CABLES1: variants seen among roughly 807,000 people sequenced by gnomAD.
CABLES1 encodes Cdk5 and Abl enzyme substrate 1.
CABLES1 carries 36 observed loss-of-function variants against 57.8 expected under a neutral mutation model. The observed-to-expected ratio is 0.62, with a 90% CI of 0.48 to 0.82. CABLES1 has a LOEUF of 0.82. Among genes scored for constraint, CABLES1 ranks in the 40% least tolerant of loss-of-function variants. The pLI, the probability that CABLES1 is intolerant of heterozygous loss-of-function variation, is 0.00. For missense variants in CABLES1, 767 were observed against 836.6 expected (o/e 0.92, Z 1.03); for synonymous variants, 374 against 363.0 (o/e 1.03, Z -0.35).
Position 23,257,472 on chromosome 18 carries a change from T to C in CABLES1, c.*105T>C. Reference sequence around the variant, plus strand: ...AAGTAGAACTCAGAATACCAGACTTTTCTTCCTCTCGACATAGTTTGGGGA... The same window carrying C: ...AAGTAGAACTCAGAATACCAGACTTCTCTTCCTCTCGACATAGTTTGGGGA... On this transcript the variant is annotated 3_prime_UTR_variant, in exon 10 of 10. Coordinates refer to ENST00000256925, the MANE Select transcript of CABLES1 (RefSeq NM_001100619.3). 1 of 1,279,172 alleles carries C rather than the reference T, an allele frequency of 7.8e-7. No homozygotes were observed. The highest frequency in any genetic ancestry group is 1.1e-6 in the Non-Finnish European group (1 of 945,984). 79.2% of individuals were successfully genotyped at this position (1,279,172 alleles called of 1,614,324 possible). A position where few individuals can be genotyped will look rare whatever the true frequency, so the allele number is the denominator to read the frequency against.
intron 8 of CABLES1, 38 bp from the exon 9 acceptor site, chr18:23,253,691 T>C (rs2048095657): frequency 1.3e-6 from 2 of 1,573,630 alleles, no homozygotes. Context: ...AACTCTAAGT[T>C]TTCACAAGAC....
chr18:23,197,886 T>C (rs1178178401), intron 3 of CABLES1: 1 of 152,118 alleles, frequency 6.6e-6, no homozygotes, highest in East Asian at 1.9e-4. Context: ...CCAGAAGAGA[T>C]GATAAAGTTA....
intron 7 of CABLES1, among the ~76,000 whole-genome samples, chr18:23,240,804 C>T (rs2047717864): frequency 6.6e-6 from 1 of 152,240 alleles, no homozygotes; most frequent in African/African-American, 2.4e-5. Context: ...TTTGGGATGT[C>T]CTGTTCCTGT....
At chr18:23,211,652 T>G (rs2047405601) in intron 3 of CABLES1, among the ~76,000 whole-genome samples, 1 of 152,200 alleles carries the variant, frequency 6.6e-6, no homozygotes. Context: ...TCTAGTAAGG[T>G]TTAGGGAAGA....
chr18:23,166,195 T>C (rs1476128118), intron 1 of CABLES1, among the ~76,000 whole-genome samples: 1 of 151,794 alleles, frequency 6.6e-6, no homozygotes, highest in Non-Finnish European at 1.5e-5. Flanking sequence ...ATGTATAATA[T>C]GAATGCAATT....
intron 1 of CABLES1, among the ~76,000 whole-genome samples, chr18:23,140,400 G>A (rs2046850123): frequency 6.6e-6 from 1 of 151,840 alleles, no homozygotes; most frequent in East Asian, 1.9e-4. Flanking sequence ...GGGGTGCATG[G>A]TGACCAGTGT....
intron 3 of CABLES1, among the ~76,000 whole-genome samples, chr18:23,198,502 T>A (rs145821527): frequency 6.6e-6 from 1 of 152,282 alleles, no homozygotes; most frequent in East Asian, 1.9e-4. Flanking sequence ...CAGGACCTGT[T>A]ACTGTGTTAG....
At chr18:23,164,507 C>A (rs914452099) in intron 1 of CABLES1, among the ~76,000 whole-genome samples, 2 of 152,022 alleles carry the variant, frequency 1.3e-5, no homozygotes, top group African/African-American at 2.4e-5. Flanking sequence ...AAATGCAATT[C>A]TTTTCCTATG....
intron 1 of CABLES1, among the ~76,000 whole-genome samples, chr18:23,154,683 T>C (rs1462221100): frequency 6.6e-6 from 1 of 152,184 alleles, no homozygotes; most frequent in Non-Finnish European, 1.5e-5. Flanking sequence ...AGCAAGGGAT[T>C]TGAACTTTAG....
intron 3 of CABLES1, among the ~76,000 whole-genome samples, chr18:23,206,319 T>C (rs1365626521): frequency 6.6e-6 from 1 of 152,214 alleles, no homozygotes; most frequent in East Asian, 1.9e-4. Context: ...CAGCCTCACA[T>C]TTGGACTCAT....
intron 4 of CABLES1, among the ~76,000 whole-genome samples, chr18:23,220,529 G>A (rs1001506012): frequency 6.6e-6 from 1 of 152,134 alleles, no homozygotes; most frequent in East Asian, 1.9e-4. Flanking sequence ...GGTTCAGCCC[G>A]GGAAGCTGGA....
At chr18:23,183,524 C>T (rs1416285350) in intron 1 of CABLES1, among the ~76,000 whole-genome samples, 1 of 152,188 alleles carries the variant, frequency 6.6e-6, no homozygotes, top group Non-Finnish European at 1.5e-5. Context: ...GGCTGCCTTA[C>T]GCATGAGCAT....
chr18:23,134,902 A>G (rs1465786786), upstream of CABLES1, among the ~76,000 whole-genome samples: 1 of 152,174 alleles, frequency 6.6e-6, no homozygotes, highest in Admixed American at 6.6e-5. Context: ...GGGAATGAAT[A>G]GACCCAACTG....
intron 4 of CABLES1, among the ~76,000 whole-genome samples, chr18:23,226,302 T>G (rs1295484425): frequency 6.6e-6 from 1 of 151,558 alleles, no homozygotes; most frequent in Non-Finnish European, 1.5e-5. Context: ...CTCGGGAGGC[T>G]GAGGCAGGAG....
At chr18:23,163,537 G>A (rs1411191851) in intron 1 of CABLES1, among the ~76,000 whole-genome samples, 1 of 152,112 alleles carries the variant, frequency 6.6e-6, no homozygotes, top group East Asian at 1.9e-4. Context: ...GTGCTGTCAG[G>A]GAAGCCTGGG....
intron 4 of CABLES1, among the ~76,000 whole-genome samples, chr18:23,221,761 A>C (rs1205029549): frequency 1.3e-5 from 2 of 152,110 alleles, no homozygotes; most frequent in Non-Finnish European, 2.9e-5. Flanking sequence ...GAGCCTGGAA[A>C]ATGTAGTTTT....
At chr18:23,244,096 C>T (rs1193430125) in intron 7 of CABLES1, among the ~76,000 whole-genome samples, 1 of 152,192 alleles carries the variant, frequency 6.6e-6, no homozygotes, top group African/African-American at 2.4e-5. Context: ...CAGTTTGGCT[C>T]ATTCTCTACT....
At chr18:23,219,228 T>C (rs1398350993) in intron 4 of CABLES1, 1 of 454,120 alleles carries the variant, frequency 2.2e-6, no homozygotes, top group Non-Finnish European at 4.4e-6. Context: ...TGGAGCCTAC[T>C]CTCCGTGCCA....
intron 4 of CABLES1, chr18:23,219,251 T>C: frequency 2.2e-6 from 1 of 454,150 alleles, no homozygotes; most frequent in South Asian, 1.6e-5. Context: ...CCTCTGGTCC[T>C]CTGTCTGAGT....
Sources: allele counts gnomAD v4.1 joint callset (sites outside exome capture counted in the v4.1 genomes callset), GRCh38; gene constraint gnomAD v4.1.1; transcripts MANE v1.5; gene names NCBI Gene and HGNC (gene_info 2026-07-23, HGNC 2026-07-21).